Variants in SLC28A1 observed in about 807,000 individuals in gnomAD.
The protein encoded by SLC28A1 is sodium/nucleoside cotransporter 1.
In SLC28A1, 64 loss-of-function variants were observed where a neutral mutation model predicts 74.8. The ratio of observed to expected loss-of-function variants is 0.86; its 90% CI spans 0.70 to 1.05. SLC28A1 has a LOEUF of 1.05. Among genes scored for constraint, SLC28A1 ranks in the 50% least tolerant of loss-of-function variants. SLC28A1 has a pLI of 0.00. For synonymous variants in SLC28A1, 359 were observed against 335.0 expected (o/e 1.07, Z -0.78); for missense variants, 828 against 822.8 (o/e 1.01, Z -0.08).
chr15:84,921,666 G>T (rs1173337591), intron 11 of SLC28A1, among the ~76,000 whole-genome samples: 1 of 152,136 alleles, frequency 6.6e-6, no homozygotes, highest in Non-Finnish European at 1.5e-5. Flanking sequence ...GTTAGAAGAT[G>T]CCATATTTCA....
intron 4 of SLC28A1, among the ~76,000 whole-genome samples, chr15:84,889,612 G>T (rs1286212267): frequency 6.6e-6 from 1 of 152,078 alleles, no homozygotes; most frequent in African/African-American, 2.4e-5. Flanking sequence ...CAGGGGAGGG[G>T]AGGCAGCCAT....
At chr15:84,917,218 A>G (rs930718398) in intron 9 of SLC28A1, among the ~76,000 whole-genome samples, 2 of 152,182 alleles carry the variant, frequency 1.3e-5, no homozygotes, top group African/African-American at 4.8e-5. Flanking sequence ...CTCCCATGCT[A>G]TTACCAGTTC....
chr15:84,897,831 A>G (rs1356995969), intron 6 of SLC28A1, among the ~76,000 whole-genome samples: 1 of 152,186 alleles, frequency 6.6e-6, no homozygotes, highest in Non-Finnish European at 1.5e-5. Flanking sequence ...ACTACTGTCT[A>G]TCTTCATAAG....
chr15:84,892,547 G>A (rs1032174498), intron 5 of SLC28A1, among the ~76,000 whole-genome samples: 2 of 152,180 alleles, frequency 1.3e-5, no homozygotes, highest in African/African-American at 4.8e-5. Flanking sequence ...TGTTTGCCAT[G>A]GCTGTCAGGA....
intron 9 of SLC28A1, among the ~76,000 whole-genome samples, chr15:84,911,939 C>T (rs904874710): frequency 1.3e-5 from 2 of 151,502 alleles, no homozygotes; most frequent in African/African-American, 2.4e-5. Context: ...GTTGAATGTT[C>T]GGTTAAGACA....
intron 12 of SLC28A1, among the ~76,000 whole-genome samples, chr15:84,924,887 T>C (rs911251861): frequency 2.6e-5 from 4 of 151,306 alleles, no homozygotes; most frequent in Non-Finnish European, 5.9e-5. Context: ...ACTGATTTTA[T>C]TTTTTATTAA....
intron 12 of SLC28A1, among the ~76,000 whole-genome samples, chr15:84,928,773 G>A (rs928621522): frequency 6.6e-6 from 1 of 151,180 alleles, no homozygotes; most frequent in South Asian, 2.1e-4. Context: ...ACAGGCATGC[G>A]CCACCAACCC....
the SLC28A1 span, among the ~76,000 whole-genome samples, chr15:84,964,000 C>G: frequency 6.6e-6 from 1 of 152,098 alleles, no homozygotes; most frequent in Admixed American, 6.5e-5. Flanking sequence ...AATTCCTACT[C>G]ATCCCTCAGG....
chr15:84,920,989 A>G lies in SLC28A1; in HGVS notation c.877A>G (p.Ile293Val). Residue 293 changes from isoleucine to valine, a missense_variant and splice_region_variant, in exon 11 of 19, where the codon ATT becomes GTT. By Grantham distance (29) the Ile-to-Val change is conservative. Coordinates refer to ENST00000394573, the MANE Select transcript of SLC28A1 (RefSeq NM_004213.5). ...VGLMQWVILK[I>V]AWLMQVTMGT... ...CAAAGAACATTCTGCTTCCTTCTAG[A>G]TTGCCTGGCTGATGCAAGTCACCAT... is the stretch of plus-strand genomic sequence containing the variant. 1 of 1,613,246 alleles carries G rather than the reference A, an allele frequency of 6.2e-7. No individual in the cohort carries two copies. Among genetic ancestry groups the G allele is most frequent in the Non-Finnish European group, 8.5e-7 (1 of 1,179,262 alleles).
intron 4 of SLC28A1, among the ~76,000 whole-genome samples, chr15:84,890,022 G>A (rs1965183028): frequency 6.6e-6 from 1 of 152,036 alleles, no homozygotes; most frequent in Non-Finnish European, 1.5e-5. Flanking sequence ...TTTTGGTAGA[G>A]AAGGGGTTTG....
At chr15:84,946,084 T>TTATATATATATATATATATA (rs1567196223), downstream of SLC28A1, among the ~76,000 whole-genome samples, 10 of 27,550 alleles carry the variant, frequency 3.6e-4, no homozygotes, top group African/African-American at 1.6e-3. Context: ...GTGTGTATGT[T>TTATATATATATATATATATA]CATATATATA....
the SLC28A1 span, among the ~76,000 whole-genome samples, chr15:84,955,716 G>A: frequency 2.0e-5 from 3 of 152,188 alleles, no homozygotes; most frequent in South Asian, 2.1e-4. Flanking sequence ...GGGGGAGGTC[G>A]GTGCCTCTGA....
At chr15:84,956,430 T>TCTTC in the SLC28A1 span, among the ~76,000 whole-genome samples, 2,274 of 126,846 alleles carry the variant, frequency 0.018, 33 homozygotes, top group African/African-American at 0.051. Flanking sequence ...TCCTTCTTTC[T>TCTTC]CTTCCTTCCT....
Position 84,904,087 on chromosome 15 carries a change from T to C in SLC28A1, c.462-10T>C. 1.2e-6 allele frequency: 2 copies of C among 1,614,204 alleles called. No homozygotes were observed. Among genetic ancestry groups the C allele is most frequent in the Non-Finnish European group, 1.7e-6 (2 of 1,180,036 alleles). On this transcript the variant is annotated splice_polypyrimidine_tract_variant and intron_variant, in intron 6 of 18. Coordinates refer to ENST00000394573, the MANE Select transcript of SLC28A1 (RefSeq NM_004213.5). Reference sequence around the variant, plus strand: ...GCTGAGGGTAATGGCTTTCTGTCTCTTGCCTGCAGGGGTCTAGCTCTTGCT... The same window carrying C: ...GCTGAGGGTAATGGCTTTCTGTCTCCTGCCTGCAGGGGTCTAGCTCTTGCT...
chr15:84,902,247 A>G (rs957765781), intron 6 of SLC28A1, among the ~76,000 whole-genome samples: 18 of 152,184 alleles, frequency 1.2e-4, no homozygotes, highest in African/African-American at 4.3e-4. Context: ...TGGGAGGCTG[A>G]GGCGGGCAGA....
chr15:84,920,220 C>T lies in SLC28A1; in HGVS notation c.877-769C>T, dbSNP rs143388907. Among the ~76,000 whole-genome samples, 619 of 152,246 alleles carry T rather than the reference C, an allele frequency of 4.1e-3. 3 individuals are homozygous for T. Among genetic ancestry groups the T allele is most frequent in the African/African-American group, 0.014 (580 of 41,544 alleles). On this transcript the variant is annotated intron_variant, in intron 10 of 18. Transcript: ENST00000394573. ...CAGCACTTTGGGAGGCCAAGGCAGA[C>T]GGATCACCTGAGGTCAGGAGTTCGA... is the stretch of plus-strand genomic sequence containing the variant.
At chr15:84,949,755 C>A (rs570674068), downstream of SLC28A1, among the ~76,000 whole-genome samples, 1 of 152,042 alleles carries the variant, frequency 6.6e-6, no homozygotes, top group African/African-American at 2.4e-5. Flanking sequence ...CAGAAATCCT[C>A]AAATCCGAGG....
chr15:84,907,285 C>A (rs1373396981), intron 8 of SLC28A1, among the ~76,000 whole-genome samples: 1 of 152,138 alleles, frequency 6.6e-6, no homozygotes, highest in Admixed American at 6.5e-5. Flanking sequence ...TTATTTAACA[C>A]TTAGAATTTT....
chr15:84,886,014 A>T, intron 1 of SLC28A1: 2 of 396,140 alleles, frequency 5.0e-6, no homozygotes, highest in Non-Finnish European at 6.9e-6. Context: ...TTTTGTCCTG[A>T]GCGCGTACCA....
Sources: gnomAD v4.1 joint callset for allele counts (sites outside exome capture counted in the v4.1 genomes callset) on GRCh38, gnomAD v4.1.1 for gene constraint, MANE v1.5 for transcripts, NCBI Gene and HGNC (gene_info 2026-07-23, HGNC 2026-07-21) for gene names.